CALCRL: variants seen among roughly 807,000 people sequenced by gnomAD.
CALCRL encodes the protein calcitonin gene-related peptide type 1 receptor.
Under a neutral mutation model 60.4 loss-of-function variants are expected in CALCRL, and 27 were observed. The ratio of observed to expected loss-of-function variants is 0.45; its 90% confidence interval spans 0.33 to 0.62. CALCRL has a LOEUF of 0.62. Among genes scored for constraint, CALCRL ranks in the 20% least tolerant of loss-of-function variants. CALCRL has a pLI of 0.03. For synonymous variants in CALCRL, 190 were observed against 182.6 expected, an observed-to-expected ratio of 1.04 and a Z score of -0.33; for missense variants, 424 against 540.7, an observed-to-expected ratio of 0.78 and a Z score of 2.14.
chr2:187,405,034 AAACCT>A (rs1319110195), intron 1 of CALCRL, among the ~76,000 whole-genome samples: 5 of 151,982 alleles, frequency 3.3e-5, no homozygotes, highest in African/African-American at 1.2e-4. Context: ...ATGCAGGCAG[AAACCT>A]AACCTGTAAG....
chr2:187,406,899 TGTACAATAACGCTA>T (rs942519884), intron 1 of CALCRL, among the ~76,000 whole-genome samples: 14 of 152,106 alleles, frequency 9.2e-5, no homozygotes, highest in African/African-American at 3.4e-4. Flanking sequence ...GGAGCTATTT[TGTACAATAACGCTA>T]GTAGTGTTTG....
At chr2:187,421,468 C>A (rs1012471091) in intron 1 of CALCRL, among the ~76,000 whole-genome samples, 1 of 152,186 alleles carries the variant, frequency 6.6e-6, no homozygotes, top group African/African-American at 2.4e-5. Flanking sequence ...CATAGGACCA[C>A]CATAGGCCAT....
chr2:187,405,407 C>A (rs1352106544), intron 1 of CALCRL, among the ~76,000 whole-genome samples: 31 of 151,848 alleles, frequency 2.0e-4, no homozygotes, highest in Non-Finnish European at 1.5e-5. Context: ...CTCACCAATA[C>A]TAATTGTCTC....
intron 4 of CALCRL, 91 bp from the exon 5 acceptor site, chr2:187,383,396 C>T: frequency 2.8e-6 from 3 of 1,069,476 alleles, no homozygotes; most frequent in Non-Finnish European, 3.9e-6. Flanking sequence ...TAGAAAACAG[C>T]AAGTGCGGTG....
At chr2:187,416,834 C>A (rs144439654) in intron 1 of CALCRL, among the ~76,000 whole-genome samples, 4 of 152,106 alleles carry the variant, frequency 2.6e-5, no homozygotes, top group African/African-American at 9.6e-5. Context: ...TTCTTATGTT[C>A]ATCAATAAAG....
rs1043452897 is a variant in CALCRL at position 187,383,073 on chromosome 2, A to G, written c.184+100T>C. The G allele has an allele frequency of 8.5e-6, 10 of 1,182,602 alleles. No homozygotes were observed. In the African/African-American group the frequency reaches 1.3e-4, roughly 15 times the overall value. 73.3% of individuals were successfully genotyped at this position (1,182,602 alleles called of 1,614,324 possible). A position where few individuals can be genotyped will look rare whatever the true frequency, so the allele number is the denominator to read the frequency against. On this transcript the variant is annotated intron_variant, in intron 5 of 14. Transcript: ENST00000392370. ...CACATATACAAAAAGGTAGCAATCTATTTTTAATAATGGACCTAAAGCACT... is the reference window on the plus strand; with the variant it reads ...CACATATACAAAAAGGTAGCAATCTGTTTTTAATAATGGACCTAAAGCACT...
chr2:187,389,635 AT>A (rs1381318167), intron 1 of CALCRL, among the ~76,000 whole-genome samples: 1 of 152,036 alleles, frequency 6.6e-6, no homozygotes, highest in Non-Finnish European at 1.5e-5. Context: ...TTTGGTCATA[AT>A]TTTTTTACAA....
chr2:187,354,922 T>C (rs1686705170), intron 12 of CALCRL, among the ~76,000 whole-genome samples: 1 of 152,072 alleles, frequency 6.6e-6, no homozygotes. Context: ...TCTTTTGTAA[T>C]AAAATATTGT....
rs771445525 is a variant in CALCRL, at chr2:187,361,794, TAC to T, written c.628-1045_628-1044del. On this transcript the variant is annotated intron_variant, in intron 9 of 14. Transcript: ENST00000392370. ...CTAATATTTATACATCAATCAAATC[TAC>T]AACCTGAACATTCCAATTTTGTTTT... 1.2e-4 allele frequency among the ~76,000 whole-genome samples: 19 copies of T among 152,108 alleles called. No homozygotes were observed. The South Asian group carries it at 3.1e-3, about 25-fold the overall frequency.
chr2:187,414,503 A>C (rs1460698815), intron 1 of CALCRL, among the ~76,000 whole-genome samples: 1 of 152,162 alleles, frequency 6.6e-6, no homozygotes, highest in African/African-American at 2.4e-5. Context: ...AGGAGTTGTA[A>C]TTATTAGCTG....
intron 1 of CALCRL, among the ~76,000 whole-genome samples, chr2:187,433,946 T>C (rs537620463): frequency 5.3e-4 from 80 of 152,134 alleles, no homozygotes; most frequent in African/African-American, 1.8e-3. Context: ...TTACAATAGG[T>C]AGAGAGACAC....
intron 4 of CALCRL, among the ~76,000 whole-genome samples, chr2:187,384,385 A>G (rs767835896): frequency 1.3e-5 from 2 of 152,210 alleles, no homozygotes; most frequent in Non-Finnish European, 2.9e-5. Context: ...TATGATTTTT[A>G]TCCCTACTTG....
At chr2:187,438,666 C>G (rs896764325) in intron 1 of CALCRL, among the ~76,000 whole-genome samples, 1 of 152,050 alleles carries the variant, frequency 6.6e-6, no homozygotes, top group Admixed American at 6.6e-5. Context: ...AAGAATTCTG[C>G]CAGTTTTAGC....
At chr2:187,374,979 TA>T (rs1687687216) in intron 8 of CALCRL, among the ~76,000 whole-genome samples, 1 of 152,094 alleles carries the variant, frequency 6.6e-6, no homozygotes, top group Non-Finnish European at 1.5e-5. Context: ...TACTATCCAT[TA>T]AAATTGAGTT....
intron 1 of CALCRL, among the ~76,000 whole-genome samples, chr2:187,420,764 A>G (rs1255470065): frequency 1.2e-4 from 19 of 152,046 alleles, no homozygotes; most frequent in Admixed American, 1.2e-3. Context: ...TAAATTTTTA[A>G]TATCTAGTCT....
rs1403295985 is a variant in CALCRL, at chr2:187,440,001, AAAT to A, written c.-293+8035_-293+8037del. Among the ~76,000 whole-genome samples, 3 of 152,244 alleles carry A rather than the reference AAAT, an allele frequency of 2.0e-5. No homozygotes were observed. The East Asian group carries it at 5.8e-4, about 29-fold the overall frequency. ...GCTTATGTAATGTAGAGAAAAAGAC[AAAT>A]AATAAACTTAGAAATTATTCAAATA... is the stretch of plus-strand genomic sequence containing the variant. On this transcript the variant is annotated intron_variant, in intron 1 of 14. Coordinates refer to ENST00000392370, the MANE Select transcript of CALCRL (RefSeq NM_005795.6).
At chr2:187,421,173 A>G (rs1365395524) in intron 1 of CALCRL, among the ~76,000 whole-genome samples, 2 of 152,216 alleles carry the variant, frequency 1.3e-5, no homozygotes, top group Non-Finnish European at 2.9e-5. Flanking sequence ...AAAGTACAAG[A>G]TAACTGAAAT....
intron 4 of CALCRL, 115 bp from the exon 5 acceptor site, chr2:187,383,420 T>C: frequency 1.3e-6 from 1 of 780,238 alleles, no homozygotes; most frequent in Non-Finnish European, 1.9e-6. Context: ...TACTGGAAGA[T>C]AAACTGGCGC....
chr2:187,365,091 T>C (rs1341186312), intron 8 of CALCRL, among the ~76,000 whole-genome samples: 1 of 152,042 alleles, frequency 6.6e-6, no homozygotes, highest in Non-Finnish European at 1.5e-5. Flanking sequence ...AACAAAGGAG[T>C]GGCATGATTC....
Sources: allele counts gnomAD v4.1 joint callset (sites outside exome capture counted in the v4.1 genomes callset), GRCh38; gene constraint gnomAD v4.1.1; transcripts MANE v1.5; gene names NCBI Gene and HGNC (gene_info 2026-07-23, HGNC 2026-07-21).